SLC43A2: variants seen among roughly 807,000 people sequenced by gnomAD.
SLC43A2 encodes the protein solute carrier family 43 member 2.
In SLC43A2, 38 loss-of-function variants were observed where a neutral mutation model predicts 63.2. That is an observed-to-expected ratio of 0.60 (90% CI 0.46 to 0.79). SLC43A2 has a LOEUF of 0.79. SLC43A2 is among the 30% of genes least tolerant of loss of function. SLC43A2 has a pLI of 0.00. For synonymous variants in SLC43A2, 322 were observed against 331.0 expected, an observed-to-expected ratio of 0.97 and a Z score of 0.30; for missense variants, 644 against 756.2, an observed-to-expected ratio of 0.85 and a Z score of 1.74.
At position 1,590,795 on chromosome 17, in the gene SLC43A2, CACCT is replaced by C; in HGVS notation, c.1078+3_1078+6del. On this transcript the variant is annotated splice_donor_5th_base_variant and intron_variant, in intron 9 of 13. Transcript: ENST00000301335. ...TGACAGCGACCGAGGCTGCCCGGGG[CACCT>C]ACCTGTCTTCTGGTCGCCGCTGACC... 1 of 1,552,892 alleles carries C rather than the reference CACCT, an allele frequency of 6.4e-7. No homozygotes were observed. The highest frequency in any genetic ancestry group is 1.4e-5 in the African/African-American group (1 of 73,620).
chr17:1,581,209 C>CACACACACACACAA (rs2076007964), intron 11 of SLC43A2, among the ~76,000 whole-genome samples: 1 of 152,170 alleles, frequency 6.6e-6, no homozygotes, highest in South Asian at 2.1e-4. Flanking sequence ...TGCCCACACA[C>CACACACACACACAA]ACACACACAC....
intron 9 of SLC43A2, among the ~76,000 whole-genome samples, chr17:1,590,495 G>C (rs1352082707): frequency 6.6e-6 from 1 of 152,100 alleles, no homozygotes; most frequent in Non-Finnish European, 1.5e-5. Flanking sequence ...GTTCTGTTCT[G>C]TTTTCATTTA....
At chr17:1,591,729 G>A (rs2002673) in intron 6 of SLC43A2, 30 bp from the exon 7 acceptor site, 46,487 of 854,616 alleles carry the variant, frequency 0.054, 6,806 homozygotes, top group Admixed American at 0.34. Flanking sequence ...CGGGGTGGGG[G>A]GGGGAGGGGG....
chr17:1,599,435 C>G (rs1296854841), intron 5 of SLC43A2, among the ~76,000 whole-genome samples: 2 of 152,112 alleles, frequency 1.3e-5, no homozygotes, highest in African/African-American at 4.8e-5. Flanking sequence ...CGCAGTGGCT[C>G]ACATCTATAA....
In SLC43A2 at chr17:1,593,279, G is replaced by C. The variant is rs758168435; in HGVS notation, c.502C>G (p.Leu168Val). 46 of 1,613,338 alleles carry C rather than the reference G, an allele frequency of 2.9e-5. No individual in the cohort carries two copies. Among genetic ancestry groups the C allele is most frequent in the Non-Finnish European group, 3.8e-5 (45 of 1,179,734 alleles). Residue 168 changes from leucine to valine, a missense_variant and splice_region_variant, in exon 6 of 14, where the codon CTG (leucine) becomes GTG (valine). Coordinates refer to ENST00000301335, the MANE Select transcript of SLC43A2 (RefSeq NM_152346.3). This position sits in a 1 kb window ranked among gnomAD's most constrained non-coding sequence, Gnocchi z 5.3. Reference protein sequence around the residue: ...GMCMTFTSLTLPNMFGDLRST... With the variant: ...GMCMTFTSLTVPNMFGDLRST... Reference sequence around the variant, plus strand: ...CGAAGGTCGCCGAACATGTTGGGCAGCTGAGAGATAAGAAGCAGAGAAACC... The same window carrying C: ...CGAAGGTCGCCGAACATGTTGGGCACCTGAGAGATAAGAAGCAGAGAAACC...
At chr17:1,582,804 C>T (rs763290445) in intron 11 of SLC43A2, among the ~76,000 whole-genome samples, 1 of 152,162 alleles carries the variant, frequency 6.6e-6, no homozygotes, top group Non-Finnish European at 1.5e-5. Context: ...GAGCTGGGCA[C>T]GGTGCCTCAC....
In SLC43A2 at chr17:1,578,525, GTTTT is replaced by G; in HGVS notation, c.1351-206_1351-203del. ...ACAGTCATTTTTTGTTTGTTTGTTT[GTTTT>G]GTTTTTTGTTTTGTTTGAGAAGAAG... On this transcript the variant is annotated intron_variant, in intron 11 of 13. Coordinates refer to ENST00000301335, the MANE Select transcript of SLC43A2 (RefSeq NM_152346.3). The surrounding 1 kb of genome is among the most constrained non-coding windows in gnomAD (Gnocchi z 6.5). The G allele has an allele frequency of 1.8e-6, 1 of 551,740 alleles. No individual in the cohort carries two copies. The highest frequency in any genetic ancestry group is 3.2e-6 in the Non-Finnish European group (1 of 309,108). 34.2% of individuals were successfully genotyped at this position (551,740 alleles called of 1,614,324 possible). A position where few individuals can be genotyped will look rare whatever the true frequency, so the allele number is the denominator to read the frequency against.
rs149985513 is a variant in SLC43A2 at position 1,587,351 on chromosome 17, C to T, written c.1079-1300G>A. ...CTGTCACCACACTGCCTGCGGGAAGCGGCTCTGTCACATCTACCTCCTGCT... is the reference window on the plus strand; with the variant it reads ...CTGTCACCACACTGCCTGCGGGAAGTGGCTCTGTCACATCTACCTCCTGCT... On this transcript the variant is annotated intron_variant, in intron 9 of 13. Transcript: ENST00000301335. Among the ~76,000 whole-genome samples the T allele has an allele frequency of 9.3e-4, 142 of 152,334 alleles. 3 individuals are homozygous for T. The East Asian group carries it at 0.024, about 26-fold the overall frequency.
chr17:1,574,912 A>T lies in SLC43A2; in HGVS notation c.*692T>A, dbSNP rs1437424092. ...CAAATTCCCTTCAGGTGGCAGACAG[A>T]ACGAGGGTGACAGTGAAAACGTGTC... On this transcript the variant is annotated 3_prime_UTR_variant, in exon 14 of 14. Coordinates refer to ENST00000301335, the MANE Select transcript of SLC43A2 (RefSeq NM_152346.3). 6.5e-6 allele frequency: 1 copy of T among 153,114 alleles called. No individual in the cohort carries two copies. The highest frequency in any genetic ancestry group is 1.5e-5 in the Non-Finnish European group (1 of 68,558). The allele number at this position is 153,114 out of a possible 1,614,324, so 9.5% of individuals were successfully genotyped here. A position where few individuals can be genotyped will look rare whatever the true frequency, so the allele number is the denominator to read the frequency against.
chr17:1,578,299 T>C lies in SLC43A2; in HGVS notation c.1375A>G (p.Ile459Val), dbSNP rs770958727. 1.2e-5 allele frequency: 19 copies of C among 1,613,678 alleles called. No individual in the cohort carries two copies. In the Admixed American group the frequency reaches 1.3e-4, roughly 11 times the overall value. The change falls in exon 12 of 14, where the codon ATC becomes GTC. Residue 459 changes from isoleucine (I) to valine (V), a missense_variant. Physicochemically the swap from Ile to Val is conservative, Grantham distance 29. Transcript: ENST00000301335. This position sits in a 1 kb window ranked among gnomAD's most constrained non-coding sequence, Gnocchi z 6.5. Reference sequence around the variant, plus strand: ...GCGGAGTGGATGAATCCTCGCACGATTGTGTGCAGGATGAAGGAGAGGATC... The same window carrying C: ...GCGGAGTGGATGAATCCTCGCACGACTGTGTGCAGGATGAAGGAGAGGATC... Reference protein sequence around the residue: ...LQILSFILHTIVRGFIHSAVG... With the variant: ...LQILSFILHTVVRGFIHSAVG...
intron 5 of SLC43A2, among the ~76,000 whole-genome samples, chr17:1,596,219 C>T (rs751803339): frequency 1.2e-4 from 18 of 152,022 alleles, no homozygotes; most frequent in Non-Finnish European, 2.2e-4. Context: ...ACTCGGGAGG[C>T]TGAGACAGGA....
chr17:1,603,200 C>T (rs912374299), intron 5 of SLC43A2: 1 of 152,156 alleles, frequency 6.6e-6, no homozygotes, highest in African/African-American at 2.4e-5. Context: ...CTGGCAGGAA[C>T]CACAGCTCTG....
chr17:1,629,203 G>A (rs1908972089), upstream of SLC43A2, among the ~76,000 whole-genome samples: 1 of 151,610 alleles, frequency 6.6e-6, no homozygotes. Context: ...CGGGCCACCA[G>A]CGCCCCCAGC....
chr17:1,583,874 T>C lies in SLC43A2; in HGVS notation c.1218-538A>G, dbSNP rs1301804594. ...TAGATAGCACAGCACTGTTTTTTGT[T>C]TTGTTTTGTTTTGTTTTTTTGTTCT... On this transcript the variant is annotated intron_variant, in intron 10 of 13. Coordinates refer to ENST00000301335, the MANE Select transcript of SLC43A2 (RefSeq NM_152346.3). The surrounding 1 kb of genome is among the most constrained non-coding windows in gnomAD (Gnocchi z 5.5). 6.6e-6 allele frequency among the ~76,000 whole-genome samples: 1 copy of C among 151,820 alleles called. No homozygotes were observed. Among genetic ancestry groups the C allele is most frequent in the Non-Finnish European group, 1.5e-5 (1 of 67,924 alleles).
chr17:1,627,666 C>T, intron 2 of SLC43A2, 49 bp downstream of exon 2: 1 of 1,095,076 alleles, frequency 9.1e-7, no homozygotes. Context: ...CGCCCCCTCC[C>T]AAAGCCCCAG....
chr17:1,588,399 CTG>C (rs1377985901), intron 9 of SLC43A2, among the ~76,000 whole-genome samples: 1 of 151,470 alleles, frequency 6.6e-6, no homozygotes, highest in Non-Finnish European at 1.5e-5. Flanking sequence ...AAAAAAAAGA[CTG>C]TATTTTTGGC....
chr17:1,593,358 C>T lies in SLC43A2; in HGVS notation c.502-79G>A. ...GAGGAGGAGGGGACAGAGAACTAGG[C>T]CCCATGAGGCCCCTTCTTCACCTGC... On this transcript the variant is annotated intron_variant, in intron 5 of 13. Coordinates refer to ENST00000301335, the MANE Select transcript of SLC43A2 (RefSeq NM_152346.3). The surrounding 1 kb of genome is among the most constrained non-coding windows in gnomAD (Gnocchi z 5.3). 8.0e-7 allele frequency: 1 copy of T among 1,252,504 alleles called. No individual in the cohort carries two copies. The highest frequency in any genetic ancestry group is 1.5e-5 in the African/African-American group (1 of 68,058). 77.6% of individuals were successfully genotyped at this position (1,252,504 alleles called of 1,614,324 possible).
At chr17:1,604,215 A>AT (rs1212826622) in intron 5 of SLC43A2, among the ~76,000 whole-genome samples, 18 of 149,454 alleles carry the variant, frequency 1.2e-4, no homozygotes, top group South Asian at 2.1e-4. Context: ...TGCCCAGCTA[A>AT]TTTTTTTTTT....
chr17:1,613,060 C>G (rs1029366847), intron 5 of SLC43A2, 135 bp downstream of exon 5: 10 of 766,468 alleles, frequency 1.3e-5, no homozygotes, highest in Non-Finnish European at 2.0e-5. Flanking sequence ...CCACCTCGCC[C>G]ATAGCCCCTC....
Sources: allele counts gnomAD v4.1 joint callset (sites outside exome capture counted in the v4.1 genomes callset), GRCh38; gene constraint gnomAD v4.1.1; non-coding constraint Gnocchi (gnomAD v3.1); transcripts MANE v1.5; gene names NCBI Gene and HGNC (gene_info 2026-07-23, HGNC 2026-07-21).